Variants in TMEM38B observed in about 807,000 individuals in gnomAD.
TMEM38B encodes transmembrane protein 38B.
In TMEM38B, 24 loss-of-function variants were observed where a neutral mutation model predicts 28.7. That is an observed-to-expected ratio of 0.84 (90% CI 0.61 to 1.18). TMEM38B has a LOEUF of 1.18. TMEM38B is among the 50% of genes most tolerant of loss of function. The probability of loss-of-function intolerance (pLI) is 0.00; values close to 1 mark genes in which losing one functional copy is unlikely to be tolerated. For missense variants in TMEM38B, 380 were observed against 350.9 expected, an observed-to-expected ratio of 1.08 and a Z score of -0.66; for synonymous variants, 131 against 127.7, an observed-to-expected ratio of 1.03 and a Z score of -0.17.
Position 105,694,628 on chromosome 9 carries a change from C to A in TMEM38B, c.-33C>A. ...CGCGAGCGCGGGGAACCAGTAGCCG[C>A]GGCTGCTTCGGTTGCCGCGGTCGGT... is the stretch of plus-strand genomic sequence containing the variant. On this transcript the variant is annotated 5_prime_UTR_variant, in exon 1 of 6. Coordinates refer to ENST00000374692, the MANE Select transcript of TMEM38B (RefSeq NM_018112.3). 2 of 1,584,784 alleles carry A rather than the reference C, an allele frequency of 1.3e-6. No individual in the cohort carries two copies. Among genetic ancestry groups the A allele is most frequent in the Middle Eastern group, 3.5e-4 (2 of 5,734 alleles).
At chr9:105,767,582 TC>T (rs750440250) in intron 5 of TMEM38B, among the ~76,000 whole-genome samples, 33 of 152,234 alleles carry the variant, frequency 2.2e-4, no homozygotes, top group Non-Finnish European at 4.3e-4. Context: ...ATGGTATGTT[TC>T]TCCAGTTATT....
At chr9:105,749,063 T>G in intron 5 of TMEM38B, 1 of 1,302,910 alleles carries the variant, frequency 7.7e-7, no homozygotes. Flanking sequence ...ATCATTTATT[T>G]TTGTTTCAGT....
chr9:105,748,333 A>G (rs1413365174), intron 5 of TMEM38B, 143 bp downstream of exon 5: 1 of 613,740 alleles, frequency 1.6e-6, no homozygotes, highest in African/African-American at 1.9e-5. Flanking sequence ...TTTACTCAGC[A>G]CATCCATGAC....
chr9:105,768,588 T>C (rs897813070), intron 5 of TMEM38B, among the ~76,000 whole-genome samples: 4 of 152,190 alleles, frequency 2.6e-5, no homozygotes, highest in African/African-American at 4.8e-5. Context: ...TACATAGATA[T>C]AGGGCTATGC....
chr9:105,738,599 A>G (rs1837070042), intron 4 of TMEM38B, among the ~76,000 whole-genome samples: 3 of 151,114 alleles, frequency 2.0e-5, no homozygotes, highest in African/African-American at 4.9e-5. Flanking sequence ...TTTGATGTCA[A>G]TTTTTGATGT....
intron 2 of TMEM38B, among the ~76,000 whole-genome samples, chr9:105,720,751 A>C (rs533367472): frequency 6.6e-6 from 1 of 152,260 alleles, no homozygotes; most frequent in Admixed American, 6.5e-5. Flanking sequence ...GATATGTTCT[A>C]CTTTAAGCAC....
chr9:105,747,623 T>A (rs965922771), intron 4 of TMEM38B, among the ~76,000 whole-genome samples: 4 of 152,202 alleles, frequency 2.6e-5, no homozygotes, highest in African/African-American at 9.6e-5. Flanking sequence ...TGCTAGCTTT[T>A]GAATGTGTTT....
intron 2 of TMEM38B, among the ~76,000 whole-genome samples, chr9:105,717,567 G>A (rs1836152275): frequency 6.6e-6 from 1 of 152,018 alleles, no homozygotes; most frequent in South Asian, 2.1e-4. Flanking sequence ...TAAATCTCAG[G>A]AATAGAGCTT....
rs554897506 is a variant in TMEM38B at position 105,776,095 on chromosome 9, C to T, written c.*2015C>T. The T allele has an allele frequency of 4.6e-5, 7 of 152,202 alleles. No homozygotes were observed. The East Asian group carries it at 5.8e-4, about 13-fold the overall frequency. The allele number at this position is 152,202 out of a possible 1,614,324, so 9.4% of individuals were successfully genotyped here. A position where few individuals can be genotyped will look rare whatever the true frequency, so the allele number is the denominator to read the frequency against. Reference sequence around the variant, plus strand: ...TGGATTTGCAAAGCAGATTGTTAGACTCCTTACCCAATGTGAAGTGTGAAT... The same window carrying T: ...TGGATTTGCAAAGCAGATTGTTAGATTCCTTACCCAATGTGAAGTGTGAAT... On this transcript the variant is annotated 3_prime_UTR_variant, in exon 6 of 6. Coordinates refer to ENST00000374692, the MANE Select transcript of TMEM38B (RefSeq NM_018112.3).
rs190197114 is a variant in TMEM38B, at chr9:105,717,835, A to C, written c.270-3702A>C. Among the ~76,000 whole-genome samples the C allele has an allele frequency of 2.0e-4, 31 of 152,334 alleles. 1 individual carries two copies. The East Asian group carries it at 6.0e-3, about 29-fold the overall frequency. On this transcript the variant is annotated intron_variant, in intron 2 of 5. Coordinates refer to ENST00000374692, the MANE Select transcript of TMEM38B (RefSeq NM_018112.3). ...TCTAGGTGTTTAGTTAGGCATTACA[A>C]AACAACAATAATAGCAATTACATAG...
intron 5 of TMEM38B, among the ~76,000 whole-genome samples, chr9:105,753,233 A>T (rs1214872155): frequency 1.3e-5 from 2 of 152,208 alleles, no homozygotes; most frequent in African/African-American, 4.8e-5. Context: ...ACCAAGTTGG[A>T]AAACATACTT....
At chr9:105,725,337 T>A (rs918168018) in intron 4 of TMEM38B, among the ~76,000 whole-genome samples, 4 of 150,796 alleles carry the variant, frequency 2.7e-5, no homozygotes, top group African/African-American at 9.8e-5. Context: ...TTTTGTCTCT[T>A]TTGAATGCTC....
At chr9:105,716,098 C>T (rs563592239) in intron 2 of TMEM38B, among the ~76,000 whole-genome samples, 1 of 152,260 alleles carries the variant, frequency 6.6e-6, no homozygotes, top group South Asian at 2.1e-4. Context: ...GGATCTCTTA[C>T]CTTCCTTGGC....
At chr9:105,716,389 T>TGTGTGTGTGTGTGC (rs1390959752) in intron 2 of TMEM38B, among the ~76,000 whole-genome samples, 6 of 152,090 alleles carry the variant, frequency 3.9e-5, no homozygotes, top group Non-Finnish European at 8.8e-5. Flanking sequence ...TGTGTGTGTG[T>TGTGTGTGTGTGTGC]GTATATTTCC....
At chr9:105,696,499 C>G (rs1171956634) in intron 1 of TMEM38B, among the ~76,000 whole-genome samples, 3 of 152,046 alleles carry the variant, frequency 2.0e-5, no homozygotes, top group Admixed American at 1.3e-4. Flanking sequence ...GTTGGCCAGG[C>G]TTGAAGAATA....
intron 5 of TMEM38B, among the ~76,000 whole-genome samples, chr9:105,757,093 G>T (rs1241010159): frequency 6.6e-6 from 1 of 151,900 alleles, no homozygotes; most frequent in African/African-American, 2.4e-5. Context: ...AAAGTTCATT[G>T]TATCATTCTT....
At chr9:105,754,832 A>G (rs572254902) in intron 5 of TMEM38B, among the ~76,000 whole-genome samples, 9 of 152,318 alleles carry the variant, frequency 5.9e-5, no homozygotes, top group South Asian at 4.1e-4. Flanking sequence ...CAACAAATCC[A>G]TGAGCTGGTT....
intron 4 of TMEM38B, among the ~76,000 whole-genome samples, chr9:105,723,183 A>G (rs1050041690): frequency 6.6e-6 from 1 of 152,132 alleles, no homozygotes; most frequent in Non-Finnish European, 1.5e-5. Context: ...TGCCTTTTGC[A>G]TCTATTTAAG....
chr9:105,738,814 C>G (rs889686104), intron 4 of TMEM38B, among the ~76,000 whole-genome samples: 5 of 151,290 alleles, frequency 3.3e-5, no homozygotes, highest in Non-Finnish European at 5.9e-5. Flanking sequence ...ACCTCCCAGC[C>G]TCAAGCAATC....
Sources: gnomAD v4.1 joint callset for allele counts (sites outside exome capture counted in the v4.1 genomes callset) on GRCh38, gnomAD v4.1.1 for gene constraint, MANE v1.5 for transcripts, NCBI Gene and HGNC (gene_info 2026-07-23, HGNC 2026-07-21) for gene names.